USH2A: variants seen among roughly 807,000 people sequenced by gnomAD.
USH2A encodes Usher syndrome 2A (autosomal recessive, mild).
Under a neutral mutation model 538.9 loss-of-function variants are expected in USH2A, and 443 were observed. The observed-to-expected ratio is 0.82, with a 90% CI of 0.76 to 0.89. The LOEUF (loss-of-function observed/expected upper bound fraction) is 0.89. Among genes scored for constraint, USH2A ranks in the 40% least tolerant of loss-of-function variants. The pLI is 0.00. For missense variants in USH2A, 6,633 were observed against 6,324.8 expected (o/e 1.05, Z -1.65); for synonymous variants, 2,413 against 2,273.5 (o/e 1.06, Z -1.75).
chr1:215,926,017 CA>C (rs1273307983), intron 38 of USH2A, among the ~76,000 whole-genome samples: 4 of 151,774 alleles, frequency 2.6e-5, no homozygotes, highest in African/African-American at 9.7e-5. Flanking sequence ...GACTCCGTCT[CA>C]AAAAAACAAG....
rs1558077708 is a variant in USH2A, at chr1:215,741,553, A to AG, written c.11549-17_11549-16insC. On this transcript the variant is annotated splice_polypyrimidine_tract_variant and intron_variant, in intron 59 of 71. Transcript: ENST00000307340. ...CCACAACTTCCTTGAAAAAAAAAAA[A>AG]TTGAGGTCTTTATTATTTTTCAAGC... 2 of 1,609,700 alleles carry AG rather than the reference A, an allele frequency of 1.2e-6. No individual in the cohort carries two copies.
Position 216,422,458 on chromosome 1 carries a change from T to C in USH2A, c.-122A>G. The C allele has an allele frequency of 1.4e-6, 2 of 1,437,644 alleles. No homozygotes were observed. Among genetic ancestry groups the C allele is most frequent in the Non-Finnish European group, 1.9e-6 (2 of 1,046,394 alleles). 89.1% of individuals were successfully genotyped at this position (1,437,644 alleles called of 1,614,324 possible). ...AGTGATGTTGCGATACTCCATTTTCTGGAAACTGCAGACACGTTCTCAGAG... is the reference window on the plus strand; with the variant it reads ...AGTGATGTTGCGATACTCCATTTTCCGGAAACTGCAGACACGTTCTCAGAG... On this transcript the variant is annotated 5_prime_UTR_variant, in exon 2 of 72. Coordinates refer to ENST00000307340, the MANE Select transcript of USH2A (RefSeq NM_206933.4).
At position 215,928,021 on chromosome 1, in the gene USH2A, A is replaced by G. The variant is rs150194047; in HGVS notation, c.7300+6595T>C. On this transcript the variant is annotated intron_variant, in intron 38 of 71. Transcript: ENST00000307340. ...ATATAACTTTCAGGATTATTTTCCA[A>G]GTTATCACTGCCACAAAGGGCTCTG... Among the ~76,000 whole-genome samples, 1,339 of 152,232 alleles carry G rather than the reference A, an allele frequency of 8.8e-3. 11 individuals carry two copies. The highest frequency in any genetic ancestry group is 0.035 in the South Asian group (171 of 4,828).
Position 215,952,915 on chromosome 1 carries a change from C to G in USH2A, c.7120+12402G>C, listed in dbSNP as rs889513738. ...AAAAATCACAAGCATTCTTATACAC[C>G]AATAACAGACAAACAGAGAGCCAAA... On this transcript the variant is annotated intron_variant, in intron 37 of 71. Transcript: ENST00000307340. Among the ~76,000 whole-genome samples, 29 of 152,040 alleles carry G rather than the reference C, an allele frequency of 1.9e-4. 1 individual carries two copies. The highest frequency in any genetic ancestry group is 4.1e-4 in the South Asian group (2 of 4,826).
chr1:215,725,339 A>T (rs753413581), intron 61 of USH2A, among the ~76,000 whole-genome samples: 9 of 152,302 alleles, frequency 5.9e-5, no homozygotes, highest in Non-Finnish European at 8.8e-5. Context: ...TATTGAACAC[A>T]ATCTCCTACA....
At chr1:216,285,610 T>C (rs984696472) in intron 11 of USH2A, among the ~76,000 whole-genome samples, 4 of 152,124 alleles carry the variant, frequency 2.6e-5, no homozygotes, top group Non-Finnish European at 5.9e-5. Flanking sequence ...GGGGCCACCA[T>C]CCTCCAGACC....
chr1:215,732,380 C>A (rs1660022201), intron 60 of USH2A, among the ~76,000 whole-genome samples: 1 of 152,050 alleles, frequency 6.6e-6, no homozygotes, highest in Non-Finnish European at 1.5e-5. Flanking sequence ...CAAAAGGACT[C>A]ACCTTTCTGA....
At chr1:216,270,295 A>C (rs1044778148) in intron 11 of USH2A, among the ~76,000 whole-genome samples, 1 of 152,154 alleles carries the variant, frequency 6.6e-6, no homozygotes, top group African/African-American at 2.4e-5. Context: ...AAATTGAAGA[A>C]TGTAAGAACA....
chr1:215,658,662 T>C (rs1657344733), intron 64 of USH2A, among the ~76,000 whole-genome samples: 1 of 152,152 alleles, frequency 6.6e-6, no homozygotes, highest in Non-Finnish European at 1.5e-5. Flanking sequence ...CTGTGGAGGG[T>C]AGCCTAAAAG....
chr1:216,041,388 G>GA (rs200732506), intron 32 of USH2A, among the ~76,000 whole-genome samples: 42 of 151,460 alleles, frequency 2.8e-4, no homozygotes, highest in Non-Finnish European at 4.7e-4. Flanking sequence ...AGAAAAAGAA[G>GA]AAAAAAAAAT....
intron 30 of USH2A, among the ~76,000 whole-genome samples, chr1:216,068,001 A>G (rs1199751647): frequency 1.3e-5 from 2 of 152,220 alleles, no homozygotes; most frequent in Non-Finnish European, 2.9e-5. Flanking sequence ...AGAAGAAGTG[A>G]GCAAAGGACA....
chr1:215,885,295 T>C (rs1310885327), intron 41 of USH2A, among the ~76,000 whole-genome samples: 1 of 152,172 alleles, frequency 6.6e-6, no homozygotes, highest in Non-Finnish European at 1.5e-5. Context: ...GATTTTTTGA[T>C]GTTGAACCAT....
At chr1:216,096,986 TTGAATGAAGATTCAGTG>T in intron 22 of USH2A, 80 bp downstream of exon 22, 1 of 1,262,906 alleles carries the variant, frequency 7.9e-7, no homozygotes, top group Non-Finnish European at 1.1e-6. Context: ...CTTACAAGGT[TTGAATGAAGATTCAGTG>T]TGAAAACAGA....
At chr1:216,419,516 T>C (rs1283270243) in intron 2 of USH2A, among the ~76,000 whole-genome samples, 1 of 152,092 alleles carries the variant, frequency 6.6e-6, no homozygotes, top group Non-Finnish European at 1.5e-5. Flanking sequence ...ATCTGAATGA[T>C]TATGCTTGGT....
intron 3 of USH2A, among the ~76,000 whole-genome samples, chr1:216,371,913 T>A (rs928190300): frequency 6.6e-6 from 1 of 152,234 alleles, no homozygotes; most frequent in African/African-American, 2.4e-5. Context: ...TTCACATAAC[T>A]TTTCAGAGTG....
At position 215,999,008 on chromosome 1, in the gene USH2A, T is replaced by A; in HGVS notation, c.6536A>T (p.Tyr2179Phe). The part of the protein sequence containing the change: ...ISGILERYVL[Y>F]MSNHTHDFTI... ...AAAATCATGTGTATGGTTTGACATA[T>A]ATAATACATAGCGTTCCAGAATCCC... The change falls in exon 34 of 72, where the codon TAT becomes TTT. Residue 2179 changes from tyrosine (Y) to phenylalanine (F), a missense_variant. Coordinates refer to ENST00000307340, the MANE Select transcript of USH2A (RefSeq NM_206933.4). The A allele has an allele frequency of 1.2e-6, 2 of 1,612,912 alleles. No homozygotes were observed. Among genetic ancestry groups the A allele is most frequent in the Non-Finnish European group, 1.7e-6 (2 of 1,179,180 alleles).
At chr1:215,989,501 A>C (rs932301612) in intron 35 of USH2A, among the ~76,000 whole-genome samples, 1 of 152,182 alleles carries the variant, frequency 6.6e-6, no homozygotes, top group South Asian at 2.1e-4. Flanking sequence ...AATGCACTGT[A>C]TAGATAAGAG....
chr1:216,353,444 T>C (rs2038325019), intron 4 of USH2A, among the ~76,000 whole-genome samples: 1 of 151,928 alleles, frequency 6.6e-6, no homozygotes, highest in African/African-American at 2.4e-5. Flanking sequence ...ATATTAGCAG[T>C]AAACAGATTT....
At chr1:215,641,668 T>A (rs775103962) in intron 67 of USH2A, among the ~76,000 whole-genome samples, 1 of 152,198 alleles carries the variant, frequency 6.6e-6, no homozygotes, top group African/African-American at 2.4e-5. Flanking sequence ...ATATACCAAA[T>A]TGGCTTTTAA....
Sources: gnomAD v4.1 joint callset for allele counts (sites outside exome capture counted in the v4.1 genomes callset) on GRCh38, gnomAD v4.1.1 for gene constraint, MANE v1.5 for transcripts, NCBI Gene and HGNC (gene_info 2026-07-23, HGNC 2026-07-21) for gene names.